FBP2: variants seen among roughly 807,000 people sequenced by gnomAD.
The protein encoded by FBP2 is fructose-1,6-bisphosphatase isozyme 2.
Under a neutral mutation model 31.6 loss-of-function variants are expected in FBP2, and 27 were observed. That is an observed-to-expected ratio of 0.85 (90% CI 0.63 to 1.18). FBP2 has a LOEUF of 1.18. Ranked by LOEUF, FBP2 falls within the 50% of genes most tolerant of loss-of-function variation. The pLI, the probability that FBP2 is intolerant of heterozygous loss-of-function variation, is 0.00. For missense variants in FBP2, 421 were observed against 436.1 expected, an observed-to-expected ratio of 0.97 and a Z score of 0.31; for synonymous variants, 168 against 179.8, an observed-to-expected ratio of 0.93 and a Z score of 0.53.
At chr9:94,572,292 A>T (rs642477) in intron 3 of FBP2, among the ~76,000 whole-genome samples, 73,820 of 151,766 alleles carry the variant, frequency 0.49, 18,586 homozygotes, top group African/African-American at 0.61. Context: ...CTTAGCTGCT[A>T]CATTTGTATT....
chr9:94,589,541 G>A (rs1391497039), intron 1 of FBP2, among the ~76,000 whole-genome samples: 1 of 152,220 alleles, frequency 6.6e-6, no homozygotes, highest in East Asian at 1.9e-4. Flanking sequence ...CTCCATGTCT[G>A]CTCACTGAGT....
chr9:94,592,184 T>C (rs1722931937), intron 1 of FBP2, among the ~76,000 whole-genome samples: 1 of 152,178 alleles, frequency 6.6e-6, no homozygotes, highest in Non-Finnish European at 1.5e-5. Flanking sequence ...GGCGATTAAA[T>C]GCAGAGCGTG....
At chr9:94,574,976 G>T (rs1313374416) in intron 3 of FBP2, among the ~76,000 whole-genome samples, 1 of 152,122 alleles carries the variant, frequency 6.6e-6, no homozygotes, top group African/African-American at 2.4e-5. Context: ...ATAAATATCT[G>T]AGCCCATCAG....
chr9:94,569,461 C>T (rs1418755774), intron 4 of FBP2: 1 of 152,244 alleles, frequency 6.6e-6, no homozygotes, highest in Non-Finnish European at 1.5e-5. Flanking sequence ...AACAGTGGCA[C>T]TCACTCACCA....
At position 94,574,303 on chromosome 9, in the gene FBP2, T is replaced by C. The variant is rs1000661324; in HGVS notation, c.427-2701A>G. On this transcript the variant is annotated intron_variant, in intron 3 of 6. Coordinates refer to ENST00000375337, the MANE Select transcript of FBP2 (RefSeq NM_003837.4). ...TTACCACTAATAATAAGAGAGTTCA[T>C]TTTAATTCAGCCTGGTAAACACAAG... Among the ~76,000 whole-genome samples, 4 of 152,186 alleles carry C rather than the reference T, an allele frequency of 2.6e-5. No individual in the cohort carries two copies. The East Asian group carries it at 7.7e-4, about 29-fold the overall frequency.
intron 3 of FBP2, among the ~76,000 whole-genome samples, chr9:94,579,071 G>T (rs13297617): frequency 0.61 from 53,040 of 86,572 alleles, 15,004 homozygotes; most frequent in Admixed American, 0.65. Context: ...AAAAAAAAAG[G>T]TTATTTTAAA....
At chr9:94,574,508 T>C (rs562502876) in intron 3 of FBP2, among the ~76,000 whole-genome samples, 2 of 152,308 alleles carry the variant, frequency 1.3e-5, no homozygotes, top group African/African-American at 4.8e-5. Context: ...ATTCAACTTC[T>C]TGTTTATTTT....
chr9:94,567,236 T>C (rs765532722), intron 5 of FBP2, 34 bp downstream of exon 5: 1 of 1,612,720 alleles, frequency 6.2e-7, no homozygotes, highest in South Asian at 1.1e-5. Context: ...GGGACAGCAT[T>C]CTGTCTGCCA....
chr9:94,591,180 G>A (rs796761832), intron 1 of FBP2, among the ~76,000 whole-genome samples: 4 of 152,386 alleles, frequency 2.6e-5, no homozygotes, highest in African/African-American at 9.6e-5. Flanking sequence ...GGGACTGAGC[G>A]CTGTGGAGCG....
At chr9:94,571,323 C>T (rs1039931654) in intron 4 of FBP2, 139 bp downstream of exon 4, 36 of 867,800 alleles carry the variant, frequency 4.1e-5, no homozygotes, top group Non-Finnish European at 3.8e-5. Context: ...GGTTTTGGCT[C>T]CCCAAACTAG....
chr9:94,591,835 A>G (rs1564188921), intron 1 of FBP2, among the ~76,000 whole-genome samples: 1 of 152,208 alleles, frequency 6.6e-6, no homozygotes, highest in Non-Finnish European at 1.5e-5. Context: ...GCAAGAGTAA[A>G]TCACGCCCAT....
At chr9:94,583,849 C>T (rs943067318) in intron 3 of FBP2, among the ~76,000 whole-genome samples, 55 of 152,174 alleles carry the variant, frequency 3.6e-4, no homozygotes, top group Admixed American at 3.3e-3. Context: ...TCAAGTGATC[C>T]GCCCGCCTCA....
At position 94,571,581 on chromosome 9, in the gene FBP2, C is replaced by A; in HGVS notation, c.448G>T (p.Glu150Ter). 1 of 1,613,558 alleles carries A rather than the reference C, an allele frequency of 6.2e-7. No individual in the cohort carries two copies. Among genetic ancestry groups the A allele is most frequent in the Non-Finnish European group, 8.5e-7 (1 of 1,179,670 alleles). Residue 150 changes from glutamate (E) to a stop codon, truncating the protein, a stop_gained, in exon 4 of 7, where the codon GAA becomes TAA. Coordinates refer to ENST00000375337, the MANE Select transcript of FBP2 (RefSeq NM_003837.4). LOFTEE classifies it high-confidence loss of function. ...CGGCCACACTGCAGGGCATCCTTTT[C>A]AGAAGGCTCATCCTCTGAGGTCTGT... ...YRKTSEDEPS[E>*]KDALQCGRNI...
intron 1 of FBP2, among the ~76,000 whole-genome samples, chr9:94,592,007 G>C (rs1177012010): frequency 6.6e-6 from 1 of 152,152 alleles, no homozygotes; most frequent in Non-Finnish European, 1.5e-5. Context: ...CTGCACAGAG[G>C]GGGAGCCCAA....
At chr9:94,585,760 C>A (rs1019755104) in intron 2 of FBP2, among the ~76,000 whole-genome samples, 8 of 151,816 alleles carry the variant, frequency 5.3e-5, no homozygotes, top group African/African-American at 1.9e-4. Flanking sequence ...GTAGCTGGGA[C>A]TACAGGTGCA....
intron 1 of FBP2, among the ~76,000 whole-genome samples, chr9:94,587,945 C>T (rs1827446953): frequency 6.6e-6 from 1 of 152,116 alleles, no homozygotes; most frequent in Non-Finnish European, 1.5e-5. Context: ...GCCTCCTGGG[C>T]TCACGCCGTT....
At position 94,585,763 on chromosome 9, in the gene FBP2, C is replaced by T. The variant is rs112776624; in HGVS notation, c.334-1094G>A. On this transcript the variant is annotated intron_variant, in intron 2 of 6. Coordinates refer to ENST00000375337, the MANE Select transcript of FBP2 (RefSeq NM_003837.4). ...TCAGACTCCCAAGTAGCTGGGACTA[C>T]AGGTGCACACCACCATGCCGAGCTA... Among the ~76,000 whole-genome samples, 1,252 of 151,808 alleles carry T rather than the reference C, an allele frequency of 8.2e-3. 21 individuals carry two copies. The highest frequency in any genetic ancestry group is 0.029 in the African/African-American group (1,178 of 41,292).
At chr9:94,564,738 A>T (rs1827161494) in intron 5 of FBP2, among the ~76,000 whole-genome samples, 1 of 152,194 alleles carries the variant, frequency 6.6e-6, no homozygotes, top group African/African-American at 2.4e-5. Flanking sequence ...GGAGACAAAC[A>T]ATCTATACAG....
At chr9:94,565,800 T>TAGATAGAAAATAGATACATAGATGATA (rs1827180665) in intron 5 of FBP2, among the ~76,000 whole-genome samples, 1 of 151,608 alleles carries the variant, frequency 6.6e-6, no homozygotes, top group African/African-American at 2.4e-5. Context: ...GATAGATAGG[T>TAGATAGAAAATAGATACATAGATGATA]GAGAGTGAGG....
Sources: gnomAD v4.1 joint callset for allele counts (sites outside exome capture counted in the v4.1 genomes callset) on GRCh38, gnomAD v4.1.1 for gene constraint, MANE v1.5 for transcripts, NCBI Gene and HGNC (gene_info 2026-07-23, HGNC 2026-07-21) for gene names.